The following ZNF578 variants were observed in gnomAD, a reference collection of about 807,000 sequenced individuals.
ZNF578 encodes zinc finger protein 578.
In ZNF578, 8 loss-of-function variants were observed where a neutral mutation model predicts 8.3. The observed-to-expected ratio is 0.96, with a 90% CI of 0.56 to 1.74. The LOEUF (loss-of-function observed/expected upper bound fraction) is 1.74, where lower values mean the gene tolerates loss of function less well. Ranked by LOEUF, ZNF578 falls within the 40% of genes most tolerant of loss-of-function variation. The pLI is 0.00. For missense variants in ZNF578, 726 were observed against 707.5 expected, an observed-to-expected ratio of 1.03 and a Z score of -0.30; for synonymous variants, 206 against 232.2, an observed-to-expected ratio of 0.89 and a Z score of 1.03.
chr19:52,473,281 G>GT (rs1420491994), intron 2 of ZNF578: 1 of 156,100 alleles, frequency 6.4e-6, no homozygotes, highest in Non-Finnish European at 1.5e-5. Context: ...GTTGTGATTT[G>GT]TGACTAAAGA....
At chr19:52,503,429 T>A (rs1254969443) in intron 4 of ZNF578, among the ~76,000 whole-genome samples, 1 of 152,208 alleles carries the variant, frequency 6.6e-6, no homozygotes, top group Non-Finnish European at 1.5e-5. Context: ...CACTGCAACC[T>A]CTGCCTTCCG....
chr19:52,497,169 G>A (rs560408620), intron 3 of ZNF578, among the ~76,000 whole-genome samples: 17 of 151,796 alleles, frequency 1.1e-4, no homozygotes, highest in East Asian at 3.9e-4. Context: ...GCACGATTTC[G>A]TCTCACTGCA....
chr19:52,506,869 C>T (rs2059427413), intron 5 of ZNF578, among the ~76,000 whole-genome samples: 1 of 152,194 alleles, frequency 6.6e-6, no homozygotes, highest in Admixed American at 6.6e-5. Flanking sequence ...CTCTAAACTT[C>T]CTTTGTTTAA....
At position 52,512,055 on chromosome 19, in the gene ZNF578, TAGAA is replaced by T; in HGVS notation, c.1675_1678del (p.Arg559PhefsTer20). 6.2e-7 allele frequency: 1 copy of T among 1,613,790 alleles called. No homozygotes were observed. The highest frequency in any genetic ancestry group is 8.5e-7 in the Non-Finnish European group (1 of 1,179,940). On this transcript the variant is annotated frameshift_variant, in exon 6 of 6. Transcript: ENST00000421239. LOFTEE classifies it low-confidence loss of function (END_TRUNC). ...GCCATTCTTATCTGGCAAACCATACTAGAATTCATAGCGGAGAGAAACCTTACAA... is the reference window on the plus strand; with the variant it reads ...GCCATTCTTATCTGGCAAACCATACTTTCATAGCGGAGAGAAACCTTACAA...
chr19:52,470,418 T>C (rs1162604031), intron 2 of ZNF578, among the ~76,000 whole-genome samples: 1 of 152,172 alleles, frequency 6.6e-6, no homozygotes, highest in African/African-American at 2.4e-5. Context: ...TTTAAGGAGA[T>C]GTGTATGGGT....
In ZNF578 at chr19:52,504,872, A is replaced by T. The variant is rs28431137; in HGVS notation, c.190+91A>T. ...GTATTCTCTTTTGTGATTTTGCCCC[A>T]TACGTGGTTTTTTTGTTTGATTGTT... On this transcript the variant is annotated intron_variant, in intron 5 of 5. Transcript: ENST00000421239. 24 of 1,511,696 alleles carry T rather than the reference A, an allele frequency of 1.6e-5. No individual in the cohort carries two copies. The East Asian group carries it at 5.2e-4, about 33-fold the overall frequency. The allele number at this position is 1,511,696 out of a possible 1,614,324, so 93.6% of individuals were successfully genotyped here. A position where few individuals can be genotyped will look rare whatever the true frequency, so the allele number is the denominator to read the frequency against.
At chr19:52,509,363 G>A (rs2059436467) in intron 5 of ZNF578, among the ~76,000 whole-genome samples, 1 of 152,176 alleles carries the variant, frequency 6.6e-6, no homozygotes, top group African/African-American at 2.4e-5. Context: ...AATTCTGCAG[G>A]CTGTATAAAT....
intron 5 of ZNF578, among the ~76,000 whole-genome samples, chr19:52,506,397 G>A (rs2059425700): frequency 6.6e-6 from 1 of 151,772 alleles, no homozygotes; most frequent in South Asian, 2.1e-4. Flanking sequence ...AATCACCTGA[G>A]GTCAGGAGTT....
intron 2 of ZNF578, among the ~76,000 whole-genome samples, chr19:52,476,488 CTG>C (rs984491003): frequency 6.6e-6 from 1 of 152,164 alleles, no homozygotes; most frequent in African/African-American, 2.4e-5. Flanking sequence ...CCTTTTCTAT[CTG>C]TTTTTCCAGT....
At chr19:52,491,801 T>C (rs1241163455) in intron 3 of ZNF578, among the ~76,000 whole-genome samples, 2 of 151,942 alleles carry the variant, frequency 1.3e-5, no homozygotes, top group Admixed American at 1.3e-4. Context: ...GATATCCACA[T>C]GGAAAAGAAT....
chr19:52,483,548 C>A (rs4802961), intron 2 of ZNF578, among the ~76,000 whole-genome samples: 1 of 152,078 alleles, frequency 6.6e-6, no homozygotes, highest in Non-Finnish European at 1.5e-5. Flanking sequence ...TCTGAACATC[C>A]CTTTTGGCCA....
At chr19:52,487,782 A>C (rs548667939) in intron 2 of ZNF578, among the ~76,000 whole-genome samples, 1 of 152,084 alleles carries the variant, frequency 6.6e-6, no homozygotes, top group South Asian at 2.1e-4. Flanking sequence ...GCCATGAGCC[A>C]CCAAGCCCGG....
intron 2 of ZNF578, among the ~76,000 whole-genome samples, chr19:52,490,369 G>C (rs577515736): frequency 6.6e-6 from 1 of 152,280 alleles, no homozygotes. Flanking sequence ...AGTTCTTACA[G>C]TGTGTGCTGA....
intron 4 of ZNF578, among the ~76,000 whole-genome samples, chr19:52,504,435 A>G (rs984334068): frequency 3.3e-5 from 5 of 152,158 alleles, no homozygotes; most frequent in Non-Finnish European, 5.9e-5. Context: ...TGTCCATAAA[A>G]TCGAGACTTC....
chr19:52,504,884 T>TTTTGTTTGA (rs113406199), intron 5 of ZNF578, 103 bp downstream of exon 5: 2 of 1,535,084 alleles, frequency 1.3e-6, no homozygotes, highest in Non-Finnish European at 8.7e-7. Context: ...ACGTGGTTTT[T>TTTTGTTTGA]TTGTTTGATT....
intron 2 of ZNF578, among the ~76,000 whole-genome samples, chr19:52,461,536 A>G (rs1482501420): frequency 2.6e-5 from 4 of 152,182 alleles, no homozygotes; most frequent in Non-Finnish European, 2.9e-5. Flanking sequence ...CCCATGGTCT[A>G]TTGAGGGAAA....
At chr19:52,483,464 C>T (rs111784298) in intron 2 of ZNF578, among the ~76,000 whole-genome samples, 10 of 152,164 alleles carry the variant, frequency 6.6e-5, no homozygotes, top group African/African-American at 2.4e-4. Context: ...GTCCTATTCA[C>T]GTGTAGTCAA....
At chr19:52,462,666 G>A (rs747266695) in intron 2 of ZNF578, among the ~76,000 whole-genome samples, 8 of 152,222 alleles carry the variant, frequency 5.3e-5, no homozygotes, top group Non-Finnish European at 7.3e-5. Flanking sequence ...TCCCAAGTCA[G>A]TGGGCTCACT....
Position 52,511,835 on chromosome 19 carries a change from G to T in ZNF578, c.1454G>T (p.Cys485Phe), listed in dbSNP as rs1182119768. 4 of 1,613,772 alleles carry T rather than the reference G, an allele frequency of 2.5e-6. No individual in the cohort carries two copies. The highest frequency in any genetic ancestry group is 3.4e-6 in the Non-Finnish European group (4 of 1,179,910). The change falls in exon 6 of 6, where the codon TGT becomes TTT. Residue 485 changes from cysteine (C) to phenylalanine (F), a missense_variant. Coordinates refer to ENST00000421239, the MANE Select transcript of ZNF578 (RefSeq NM_001099694.2). ...IIHTGEKPYK[C>F]NECHKTFSHR... ...CATACTGGAGAGAAACCTTACAAGTGTAATGAGTGTCACAAGACCTTCAGT... is the reference window on the plus strand; with the variant it reads ...CATACTGGAGAGAAACCTTACAAGTTTAATGAGTGTCACAAGACCTTCAGT...
Sources: allele counts gnomAD v4.1 joint callset (sites outside exome capture counted in the v4.1 genomes callset), GRCh38; gene constraint gnomAD v4.1.1; transcripts MANE v1.5; gene names NCBI Gene and HGNC (gene_info 2026-07-23, HGNC 2026-07-21).